CDK19: variants seen among roughly 807,000 people sequenced by gnomAD.
CDK19 encodes cyclin-dependent kinase 19.
Under a neutral mutation model 68.3 loss-of-function variants are expected in CDK19, and 20 were observed. The observed-to-expected ratio is 0.29, with a 90% CI of 0.21 to 0.43. CDK19 has a LOEUF of 0.43. Among genes scored for constraint, CDK19 ranks in the 20% least tolerant of loss-of-function variants. CDK19 has a pLI of 1.00. For missense variants in CDK19, 339 were observed against 623.5 expected (o/e 0.54, Z 4.86); for synonymous variants, 221 against 222.8 (o/e 0.99, Z 0.07).
intron 4 of CDK19, chr6:110,646,573 AG>A: frequency 5.0e-6 from 3 of 602,940 alleles, no homozygotes; most frequent in Non-Finnish European, 7.2e-6. Context: ...GGCCACCTGC[AG>A]GGGGTCAACC....
chr6:110,737,668 T>C (rs1777344156), intron 2 of CDK19, among the ~76,000 whole-genome samples: 1 of 152,180 alleles, frequency 6.6e-6, no homozygotes, highest in African/African-American at 2.4e-5. Flanking sequence ...TTGTATTAGT[T>C]TCCCAGAATC....
Position 110,666,424 on chromosome 6 carries a change from C to CAAAA in CDK19, c.456+1006_456+1009dup, listed in dbSNP as rs57791161. On this transcript the variant is annotated intron_variant, in intron 4 of 12. Transcript: ENST00000368911. ...TGGGCGACAGAGAGAGACTCTGTCT[C>CAAAA]AAAAAAAAAAAAAAAAAAAAAAAAA... Among the ~76,000 whole-genome samples the CAAAA allele has an allele frequency of 3.6e-3, 171 of 47,908 alleles. 6 individuals carry two copies. The highest frequency in any genetic ancestry group is 5.2e-3 in the Non-Finnish European group (129 of 24,642). The allele number at this position is 47,908 out of a possible 152,430, so 31.4% of individuals were successfully genotyped here.
intron 2 of CDK19, among the ~76,000 whole-genome samples, chr6:110,677,257 T>C (rs1456263376): frequency 2.6e-5 from 4 of 152,148 alleles, no homozygotes; most frequent in Non-Finnish European, 5.9e-5. Flanking sequence ...AGGAGCCTTG[T>C]AAGCCATGCA....
intron 1 of CDK19, among the ~76,000 whole-genome samples, chr6:110,787,867 T>C (rs571135303): frequency 8.1e-4 from 123 of 152,194 alleles, no homozygotes; most frequent in Non-Finnish European, 1.5e-3. Flanking sequence ...TGAGACGTAG[T>C]CTCGCTCTGT....
At chr6:110,691,783 G>C (rs1015600259) in intron 2 of CDK19, among the ~76,000 whole-genome samples, 4 of 151,110 alleles carry the variant, frequency 2.6e-5, no homozygotes, top group Non-Finnish European at 4.4e-5. Context: ...GAGTAGCTGG[G>C]ATTACAGGCA....
intron 1 of CDK19, among the ~76,000 whole-genome samples, chr6:110,812,145 G>GA (rs1783153290): frequency 6.6e-6 from 1 of 150,638 alleles, no homozygotes; most frequent in Non-Finnish European, 1.5e-5. Context: ...TTTTGAGACA[G>GA]AGTCTCGCTC....
At chr6:110,787,765 G>C (rs953944179) in intron 1 of CDK19, among the ~76,000 whole-genome samples, 5 of 152,122 alleles carry the variant, frequency 3.3e-5, no homozygotes, top group African/African-American at 1.2e-4. Flanking sequence ...CCATAATTCA[G>C]TGATTTCCTT....
intron 1 of CDK19, among the ~76,000 whole-genome samples, chr6:110,749,794 A>C (rs1283728018): frequency 2.0e-5 from 3 of 147,574 alleles, no homozygotes; most frequent in Admixed American, 1.3e-4. Flanking sequence ...TTTTTTTGAG[A>C]CAGAGTCTTG....
chr6:110,625,408 A>G (rs1401871621), intron 8 of CDK19, among the ~76,000 whole-genome samples: 1 of 151,900 alleles, frequency 6.6e-6, no homozygotes. Flanking sequence ...AGATCTTCCC[A>G]CCTCAGCCTC....
chr6:110,773,343 C>CAAAAA, intron 1 of CDK19, among the ~76,000 whole-genome samples: 1 of 86,146 alleles, frequency 1.2e-5, no homozygotes, highest in East Asian at 2.9e-4. Flanking sequence ...GACTCTGTCT[C>CAAAAA]AAAAAAAAAA....
intron 1 of CDK19, among the ~76,000 whole-genome samples, chr6:110,805,237 C>T (rs761310619): frequency 2.0e-5 from 3 of 152,100 alleles, no homozygotes; most frequent in Non-Finnish European, 2.9e-5. Flanking sequence ...GTTCTAGATA[C>T]TACTGGTTTT....
intron 2 of CDK19, chr6:110,706,404 G>GTTTGTT (rs1774481570): frequency 1.4e-5 from 1 of 71,064 alleles, no homozygotes; most frequent in African/African-American, 4.8e-5. Context: ...TAACACTGTT[G>GTTTGTT]TTTTTTTTTT....
In CDK19 at chr6:110,772,130, C is replaced by T. The variant is rs531995920; in HGVS notation, c.129-25929G>A. 1.6e-4 allele frequency among the ~76,000 whole-genome samples: 25 copies of T among 152,238 alleles called. No individual in the cohort carries two copies. The East Asian group carries it at 2.9e-3, about 18-fold the overall frequency. On this transcript the variant is annotated intron_variant, in intron 1 of 12. Transcript: ENST00000368911. ...GCCCCACTCTACTGATACCAACTTA[C>T]TATATTAGTCCGTTTTCATGCTGTT...
intron 1 of CDK19, chr6:110,813,457 GATAAAATTC>G (rs1416112531): frequency 6.6e-6 from 1 of 152,124 alleles, no homozygotes; most frequent in African/African-American, 2.4e-5. Flanking sequence ...AAATATAACT[GATAAAATTC>G]CCACAAGAAC....
At position 110,640,535 on chromosome 6, in the gene CDK19, T is replaced by G. The variant is rs540772262; in HGVS notation, c.457-1829A>C. On this transcript the variant is annotated intron_variant, in intron 4 of 12. Transcript: ENST00000368911. ...GATTAAGAAAAAGGGTGGTAAAGATTTTACCAAGGTTTTAAGTTTATGTGA... is the reference window on the plus strand; with the variant it reads ...GATTAAGAAAAAGGGTGGTAAAGATGTTACCAAGGTTTTAAGTTTATGTGA... 2.0e-5 allele frequency among the ~76,000 whole-genome samples: 3 copies of G among 152,234 alleles called. No individual in the cohort carries two copies. The South Asian group carries it at 6.2e-4, about 32-fold the overall frequency.
At chr6:110,658,113 T>C (rs1348663400) in intron 4 of CDK19, among the ~76,000 whole-genome samples, 1 of 152,192 alleles carries the variant, frequency 6.6e-6, no homozygotes, top group African/African-American at 2.4e-5. Flanking sequence ...AAACATTGTG[T>C]CTGATCTTCA....
At chr6:110,787,799 C>T (rs1422672241) in intron 1 of CDK19, among the ~76,000 whole-genome samples, 1 of 151,996 alleles carries the variant, frequency 6.6e-6, no homozygotes, top group Non-Finnish European at 1.5e-5. Flanking sequence ...AACTTATCTG[C>T]TGCATTTACT....
intron 1 of CDK19, among the ~76,000 whole-genome samples, chr6:110,776,447 C>A (rs1275590893): frequency 6.6e-6 from 1 of 150,796 alleles, no homozygotes; most frequent in African/African-American, 2.4e-5. Flanking sequence ...AAAAAAAGAA[C>A]CAGAGAAAAA....
chr6:110,639,623 A>G (rs1780003238), intron 4 of CDK19, among the ~76,000 whole-genome samples: 1 of 152,228 alleles, frequency 6.6e-6, no homozygotes, highest in Admixed American at 6.5e-5. Flanking sequence ...GTTATAGAGA[A>G]GACTGAGGTT....
Sources: gnomAD v4.1 joint callset for allele counts (sites outside exome capture counted in the v4.1 genomes callset) on GRCh38, gnomAD v4.1.1 for gene constraint, MANE v1.5 for transcripts, NCBI Gene and HGNC (gene_info 2026-07-23, HGNC 2026-07-21) for gene names.